PPM1H: variants seen among roughly 807,000 people sequenced by gnomAD.
PPM1H encodes protein phosphatase 1H.
A neutral mutation model predicts 54.9 loss-of-function variants in PPM1H; 27 were observed. The observed-to-expected ratio is 0.49, with a 90% CI of 0.36 to 0.68. The LOEUF (loss-of-function observed/expected upper bound fraction) is 0.68, where lower values mean the gene tolerates loss of function less well. PPM1H is among the 30% of genes least tolerant of loss of function. The probability of loss-of-function intolerance (pLI) is 0.00; values close to 1 mark genes in which losing one functional copy is unlikely to be tolerated. For synonymous variants in PPM1H, 305 were observed against 270.8 expected, an observed-to-expected ratio of 1.13 and a Z score of -1.24; for missense variants, 596 against 667.8, an observed-to-expected ratio of 0.89 and a Z score of 1.19.
At chr12:62,651,798 A>G (rs750090752) in intron 9 of PPM1H, among the ~76,000 whole-genome samples, 1 of 152,152 alleles carries the variant, frequency 6.6e-6, no homozygotes, top group Non-Finnish European at 1.5e-5. Context: ...TTAAAGCTTG[A>G]TCCAAGGGTG....
At chr12:62,727,637 A>ATATTATTAC (rs1555192230) in intron 5 of PPM1H, among the ~76,000 whole-genome samples, 1 of 139,814 alleles carries the variant, frequency 7.2e-6, no homozygotes. Context: ...TAAAATGCAA[A>ATATTATTAC]TATTATTATT....
At chr12:62,751,881 A>G (rs1210706988) in intron 4 of PPM1H, among the ~76,000 whole-genome samples, 1 of 152,202 alleles carries the variant, frequency 6.6e-6, no homozygotes, top group African/African-American at 2.4e-5. Flanking sequence ...AGGGAGGCTC[A>G]TCTGTGGTTC....
chr12:62,695,299 T>G (rs2076107725), intron 6 of PPM1H, among the ~76,000 whole-genome samples: 1 of 152,198 alleles, frequency 6.6e-6, no homozygotes, highest in African/African-American at 2.4e-5. Flanking sequence ...ATGCCTTTGG[T>G]ATAGCCCTGC....
rs1228720609 is a variant in PPM1H at position 62,669,476 on chromosome 12, GC to G, written c.1246-2148del. Reference sequence around the variant, plus strand: ...CCAATGCTGCAGGTTCACAGACCGGGCCCCGAGTAGCAAGGCCAGAGAGGAT... The same window carrying G: ...CCAATGCTGCAGGTTCACAGACCGGGCCCGAGTAGCAAGGCCAGAGAGGAT... On this transcript the variant is annotated intron_variant, in intron 8 of 9. Coordinates refer to ENST00000228705, the MANE Select transcript of PPM1H (RefSeq NM_020700.2). Among the ~76,000 whole-genome samples, 11 of 152,230 alleles carry G rather than the reference GC, an allele frequency of 7.2e-5. No homozygotes were observed. In the South Asian group the frequency reaches 1.9e-3, roughly 26 times the overall value.
At chr12:62,751,973 G>A (rs1057177180) in intron 4 of PPM1H, among the ~76,000 whole-genome samples, 6 of 152,192 alleles carry the variant, frequency 3.9e-5, no homozygotes, top group African/African-American at 7.2e-5. Flanking sequence ...ACAGTTACCC[G>A]GTGTCAGTTC....
intron 4 of PPM1H, among the ~76,000 whole-genome samples, chr12:62,759,453 A>G (rs1353841429): frequency 6.6e-6 from 1 of 152,156 alleles, no homozygotes; most frequent in African/African-American, 2.4e-5. Flanking sequence ...CCCTTCTCTT[A>G]AGTTCAATTC....
chr12:62,782,507 G>A (rs529519067), intron 4 of PPM1H, among the ~76,000 whole-genome samples: 1 of 152,286 alleles, frequency 6.6e-6, no homozygotes, highest in Non-Finnish European at 1.5e-5. Context: ...AGGAGTGAAA[G>A]ATAAATGAAA....
intron 1 of PPM1H, among the ~76,000 whole-genome samples, chr12:62,932,106 G>A (rs1483081795): frequency 6.7e-6 from 1 of 149,490 alleles, no homozygotes; most frequent in East Asian, 2.0e-4. Context: ...TTTTAAATAG[G>A]TCTTTGCTTG....
At chr12:62,659,214 GA>G (rs2075866059) in intron 9 of PPM1H, 1 of 510,798 alleles carries the variant, frequency 2.0e-6, no homozygotes, top group East Asian at 4.6e-5. Context: ...GTGCAGCGAA[GA>G]AAATGGGTAG....
At chr12:62,703,330 T>C (rs1043708447) in intron 6 of PPM1H, among the ~76,000 whole-genome samples, 1 of 151,084 alleles carries the variant, frequency 6.6e-6, no homozygotes, top group Non-Finnish European at 1.5e-5. Flanking sequence ...GATAATAATC[T>C]AAAGAAGGTA....
chr12:62,920,455 T>C (rs867815779), intron 1 of PPM1H, among the ~76,000 whole-genome samples: 1 of 150,876 alleles, frequency 6.6e-6, no homozygotes. Flanking sequence ...GCCTCCCAAG[T>C]AGCTGGTACC....
At position 62,661,826 on chromosome 12, in the gene PPM1H, A is replaced by G. The variant is rs564621278; in HGVS notation, c.1397+5352T>C. On this transcript the variant is annotated intron_variant, in intron 9 of 9. Transcript: ENST00000228705. The stretch of plus-strand genomic sequence containing the variant: ...TTCAGCCTATGGAGTCGCTCAGATT[A>G]TAGGCACATGCCACTGCACCTGTCT... 5.3e-5 allele frequency among the ~76,000 whole-genome samples: 8 copies of G among 152,334 alleles called. No individual in the cohort carries two copies. In the South Asian group the frequency reaches 1.5e-3, roughly 28 times the overall value.
chr12:62,841,981 T>G lies in PPM1H; in HGVS notation c.246-9702A>C, dbSNP rs564888251. Reference sequence around the variant, plus strand: ...CCTTTCAATAATCCTCTGGGTCCCCTTGGCAAAACCATTAATACCACCAAT... The same window carrying G: ...CCTTTCAATAATCCTCTGGGTCCCCGTGGCAAAACCATTAATACCACCAAT... On this transcript the variant is annotated intron_variant, in intron 1 of 9. Transcript: ENST00000228705. Among the ~76,000 whole-genome samples, 12 of 152,290 alleles carry G rather than the reference T, an allele frequency of 7.9e-5. No individual in the cohort carries two copies. The East Asian group carries it at 1.7e-3, about 22-fold the overall frequency.
At chr12:62,902,417 T>A (rs1298317440) in intron 1 of PPM1H, among the ~76,000 whole-genome samples, 1 of 151,868 alleles carries the variant, frequency 6.6e-6, no homozygotes, top group African/African-American at 2.4e-5. Flanking sequence ...TTTAAAAAAA[T>A]TTAGGATTTT....
chr12:62,735,048 C>T (rs934318466), intron 5 of PPM1H, among the ~76,000 whole-genome samples: 12 of 150,990 alleles, frequency 7.9e-5, no homozygotes, highest in Admixed American at 2.0e-4. Context: ...TGTCTCAAAA[C>T]AAAAAACAAA....
At chr12:62,695,349 A>T (rs61919541) in intron 6 of PPM1H, among the ~76,000 whole-genome samples, 21,174 of 152,108 alleles carry the variant, frequency 0.14, 1,717 homozygotes, top group East Asian at 0.29. Flanking sequence ...ATCCTCATTA[A>T]TCAATTAGGG....
chr12:62,820,574 C>T (rs2095145851), intron 2 of PPM1H, among the ~76,000 whole-genome samples: 1 of 152,204 alleles, frequency 6.6e-6, no homozygotes, highest in East Asian at 1.9e-4. Flanking sequence ...CAACATTTGC[C>T]GTTCTGCAAT....
intron 4 of PPM1H, among the ~76,000 whole-genome samples, chr12:62,783,685 T>C (rs148230850): frequency 1.1e-3 from 165 of 152,382 alleles, no homozygotes; most frequent in African/African-American, 3.7e-3. Flanking sequence ...TCCTTTGTTA[T>C]AGTATTTAAT....
chr12:62,804,530 A>T (rs187616026), intron 2 of PPM1H, among the ~76,000 whole-genome samples: 12 of 152,088 alleles, frequency 7.9e-5, no homozygotes, highest in Admixed American at 6.6e-4. Flanking sequence ...ATTATTTCTT[A>T]AAAAAAATTT....
Sources: gnomAD v4.1 joint callset for allele counts (sites outside exome capture counted in the v4.1 genomes callset) on GRCh38, gnomAD v4.1.1 for gene constraint, MANE v1.5 for transcripts, NCBI Gene and HGNC (gene_info 2026-07-23, HGNC 2026-07-21) for gene names.